The following NKD2 variants were observed in gnomAD, a reference collection of about 807,000 sequenced individuals.
NKD2 encodes protein naked cuticle homolog 2.
In NKD2, 43 loss-of-function variants were observed where a neutral mutation model predicts 34.8. That is an observed-to-expected ratio of 1.24 (90% CI 0.97 to 1.60). NKD2 has a LOEUF of 1.60. Among genes scored for constraint, NKD2 ranks in the 40% most tolerant of loss-of-function variants. NKD2 has a pLI of 0.00. For synonymous variants in NKD2, 278 were observed against 265.1 expected (o/e 1.05, Z -0.47); for missense variants, 675 against 627.1 (o/e 1.08, Z -0.82).
chr5:1,037,816 G>T lies in NKD2; in HGVS notation c.799G>T (p.Val267Leu). The change falls in exon 10 of 10, where the codon GTG becomes TTG. Residue 267 changes from valine to leucine, a missense_variant. Transcript: ENST00000296849. ...ACCTGTGTCCGCAGGGTCCCCTCCT[G>T]TGCAAGCAAAGCAGGAGCCCCAGGG... ...TSRFGPGSPP[V>L]QAKQEPQGRA... 1 of 1,576,018 alleles carries T rather than the reference G, an allele frequency of 6.3e-7. No homozygotes were observed.
At chr5:1,034,438 C>CA in intron 6 of NKD2, 108 bp downstream of exon 6, 1 of 911,414 alleles carries the variant, frequency 1.1e-6, no homozygotes, top group Non-Finnish European at 1.8e-6. Context: ...CTGCCTGCTG[C>CA]GAGGTCCTCA....
chr5:1,027,146 A>G (rs541474451), intron 3 of NKD2, among the ~76,000 whole-genome samples: 32 of 152,160 alleles, frequency 2.1e-4, no homozygotes, highest in Non-Finnish European at 3.7e-4. Context: ...AAGGACAGGG[A>G]GGTGCACCAA....
In NKD2 at chr5:1,019,240, G is replaced by A. The variant is rs2150731891; in HGVS notation, c.141+9680G>A. ...TGCTGTAAGGGTGTCTTTGTGTGCG[G>A]CTCAGAGCTCATCCCGAGAACCCTG... On this transcript the variant is annotated intron_variant, in intron 3 of 9. Transcript: ENST00000296849. Among the ~76,000 whole-genome samples, 5 of 152,292 alleles carry A rather than the reference G, an allele frequency of 3.3e-5. No individual in the cohort carries two copies. The South Asian group carries it at 1.0e-3, about 32-fold the overall frequency.
In NKD2 at chr5:1,034,225, C is replaced by A; in HGVS notation, c.331-10C>A. On this transcript the variant is annotated splice_polypyrimidine_tract_variant and intron_variant, in intron 5 of 9. Transcript: ENST00000296849. ...GGAGGCGAGGTCCCGGCCCCCACGT[C>A]CCCCCACAGGCACTCCAGTGCGATG... 6.2e-7 allele frequency: 1 copy of A among 1,606,032 alleles called. No homozygotes were observed. The highest frequency in any genetic ancestry group is 8.5e-7 in the Non-Finnish European group (1 of 1,175,940).
rs559046449 is a variant in NKD2, at chr5:1,031,556, G to A, written c.142-596G>A. ...ACCTCCACCACTGCGCAAGGCCCCT[G>A]CCCTGACCACAGGTCTGTCTCCTTC... is the stretch of plus-strand genomic sequence containing the variant. On this transcript the variant is annotated intron_variant, in intron 3 of 9. Transcript: ENST00000296849. Among the ~76,000 whole-genome samples the A allele has an allele frequency of 5.2e-5, 6 of 114,818 alleles. No individual in the cohort carries two copies. The South Asian group carries it at 1.7e-3, about 33-fold the overall frequency. 75.3% of individuals were successfully genotyped at this position (114,818 alleles called of 152,430 possible). A position where few individuals can be genotyped will look rare whatever the true frequency, so the allele number is the denominator to read the frequency against.
intron 3 of NKD2, among the ~76,000 whole-genome samples, chr5:1,017,349 C>T (rs889135441): frequency 2.0e-4 from 31 of 152,248 alleles, no homozygotes; most frequent in Admixed American, 5.2e-4. Context: ...TGGCCAGGTC[C>T]GTGTGCCCTG....
At chr5:1,010,599 C>G (rs190593775) in intron 3 of NKD2, among the ~76,000 whole-genome samples, 1 of 152,122 alleles carries the variant, frequency 6.6e-6, no homozygotes, top group Non-Finnish European at 1.5e-5. Context: ...GTGGGAAGCA[C>G]GCTGTAAGGT....
intron 3 of NKD2, among the ~76,000 whole-genome samples, chr5:1,030,716 C>T (rs1423985328): frequency 3.3e-5 from 5 of 152,126 alleles, no homozygotes; most frequent in Non-Finnish European, 5.9e-5. Flanking sequence ...CAGCCAGTCC[C>T]GGAATGTCGG....
intron 3 of NKD2, among the ~76,000 whole-genome samples, chr5:1,028,438 G>T (rs1277911571): frequency 6.6e-6 from 1 of 152,190 alleles, no homozygotes; most frequent in African/African-American, 2.4e-5. Flanking sequence ...GCTGAGTGAG[G>T]GAGTGGGGTT....
intron 3 of NKD2, among the ~76,000 whole-genome samples, chr5:1,030,635 C>A (rs73026747): frequency 2.4e-4 from 37 of 152,190 alleles, no homozygotes; most frequent in Non-Finnish European, 4.8e-4. Context: ...TCCCTCACAG[C>A]GGTGCCTCCC....
chr5:1,009,427 C>T lies in NKD2; in HGVS notation c.62-54C>T. On this transcript the variant is annotated intron_variant, in intron 2 of 9. Coordinates refer to ENST00000296849, the MANE Select transcript of NKD2 (RefSeq NM_033120.4). The surrounding 1 kb of genome is among the most constrained non-coding windows in gnomAD (Gnocchi z 6.9). ...CGCAGCGCCCGCGGGGCTCACGGCG[C>T]GTCTCTTTCCCTCCTCGGTGCGGGT... The T allele has an allele frequency of 1.4e-6, 2 of 1,414,264 alleles. No individual in the cohort carries two copies. The highest frequency in any genetic ancestry group is 1.9e-6 in the Non-Finnish European group (2 of 1,060,000). 87.6% of individuals were successfully genotyped at this position (1,414,264 alleles called of 1,614,324 possible).
chr5:1,019,167 C>T (rs974338111), intron 3 of NKD2, among the ~76,000 whole-genome samples: 17 of 152,176 alleles, frequency 1.1e-4, no homozygotes, highest in African/African-American at 3.9e-4. Context: ...ACTATAGGCA[C>T]CCCTGTGCCA....
intron 7 of NKD2, 73 bp from the exon 8 acceptor site, chr5:1,035,312 TAATG>T (rs923531804): frequency 3.2e-5 from 36 of 1,112,890 alleles, no homozygotes; most frequent in East Asian, 5.3e-5. Flanking sequence ...GTGAGTGAGT[TAATG>T]AATGAGTGAA....
At chr5:1,036,189 C>A in intron 8 of NKD2, 68 bp from the exon 9 acceptor site, 2 of 1,444,288 alleles carry the variant, frequency 1.4e-6, no homozygotes, top group Non-Finnish European at 9.1e-7. Context: ...CTGCTGTAGG[C>A]ACCCCGTCAT....
chr5:1,035,512 C>T (rs1015312447), intron 8 of NKD2, 39 bp downstream of exon 8: 19 of 1,485,816 alleles, frequency 1.3e-5, no homozygotes, highest in Admixed American at 1.2e-4. Context: ...GTGCCTTAGG[C>T]GGGGGCACCC....
intron 3 of NKD2, among the ~76,000 whole-genome samples, chr5:1,016,539 C>T (rs72705201): frequency 0.015 from 2,313 of 152,334 alleles, 24 homozygotes; most frequent in Non-Finnish European, 0.025. Context: ...GTAATACAAA[C>T]ATTCAAATTG....
intron 3 of NKD2, among the ~76,000 whole-genome samples, chr5:1,018,449 A>G (rs1381333822): frequency 2.0e-5 from 3 of 152,226 alleles, no homozygotes; most frequent in Non-Finnish European, 4.4e-5. Context: ...AACAAAGCGG[A>G]CATGGGCCTG....
intron 8 of NKD2, chr5:1,035,847 C>G: frequency 3.1e-6 from 1 of 325,498 alleles, no homozygotes; most frequent in Non-Finnish European, 5.5e-6. Context: ...TTGGGGGTGG[C>G]TGGGGCAATG....
rs922673919 is a variant in NKD2 at position 1,036,069 on chromosome 5, G to A, written c.660-188G>A. ...TCACAGGGTTCTGGGGGTCGGCTGT[G>A]ACCTTGTTTCTCTGGACGGCACTTG... On this transcript the variant is annotated intron_variant, in intron 8 of 9. Transcript: ENST00000296849. 17 of 1,313,722 alleles carry A rather than the reference G, an allele frequency of 1.3e-5. No individual in the cohort carries two copies. In the East Asian group the frequency reaches 4.0e-4, roughly 31 times the overall value. The allele number at this position is 1,313,722 out of a possible 1,614,324, so 81.4% of individuals were successfully genotyped here. A position where few individuals can be genotyped will look rare whatever the true frequency, so the allele number is the denominator to read the frequency against.
Sources: allele counts gnomAD v4.1 joint callset (sites outside exome capture counted in the v4.1 genomes callset), GRCh38; gene constraint gnomAD v4.1.1; non-coding constraint Gnocchi (gnomAD v3.1); transcripts MANE v1.5; gene names NCBI Gene and HGNC (gene_info 2026-07-23, HGNC 2026-07-21).